The following ZNF267 variants were observed in gnomAD, a reference collection of about 807,000 sequenced individuals.
ZNF267 encodes the protein zinc finger (C2H2).
Under a neutral mutation model 71.6 loss-of-function variants are expected in ZNF267, and 61 were observed. The observed-to-expected ratio is 0.85, with a 90% CI of 0.69 to 1.05. The LOEUF (loss-of-function observed/expected upper bound fraction) is 1.05, where lower values mean the gene tolerates loss of function less well. Ranked by LOEUF, ZNF267 falls within the 50% of genes least tolerant of loss-of-function variation. The pLI is 0.00. For synonymous variants in ZNF267, 288 were observed against 293.2 expected (o/e 0.98, Z 0.18); for missense variants, 852 against 870.0 (o/e 0.98, Z 0.26).
At chr16:31,901,908 T>C (rs542852341) in intron 3 of ZNF267, among the ~76,000 whole-genome samples, 36 of 152,336 alleles carry the variant, frequency 2.4e-4, no homozygotes, top group African/African-American at 8.4e-4. Flanking sequence ...GGTTTTCTTC[T>C]AGGGTTCTTA....
At chr16:31,874,099 T>G in intron 1 of ZNF267, 130 bp downstream of exon 1, 1 of 1,036,040 alleles carries the variant, frequency 9.7e-7, no homozygotes, top group East Asian at 2.5e-5. Context: ...TCCCAACTGG[T>G]GCAGCTCGGC....
At position 31,915,732 on chromosome 16, in the gene ZNF267, A is replaced by G. The variant is rs1430743229; in HGVS notation, c.1483A>G (p.Lys495Glu). 3 of 1,613,266 alleles carry G rather than the reference A, an allele frequency of 1.9e-6. No homozygotes were observed. Among genetic ancestry groups the G allele is most frequent in the East Asian group, 2.2e-5 (1 of 44,860 alleles). ...VHTGEKPYKC[K>E]ECGKVFSRSS... ...TACTGGAGAGAAGCCTTATAAATGT[A>G]AAGAATGTGGCAAAGTCTTTAGCCG... is the stretch of plus-strand genomic sequence containing the variant. Residue 495 changes from lysine (K) to glutamate (E), a missense_variant, in exon 4 of 4, where the codon AAA (lysine) becomes GAA (glutamate). Physicochemically the swap from Lys to Glu is moderately conservative, Grantham distance 56. Transcript: ENST00000300870.
At position 31,915,052 on chromosome 16, in the gene ZNF267, A is replaced by G; in HGVS notation, c.803A>G (p.Lys268Arg). 6.2e-7 allele frequency: 1 copy of G among 1,612,970 alleles called. No individual in the cohort carries two copies. The highest frequency in any genetic ancestry group is 8.5e-7 in the Non-Finnish European group (1 of 1,179,660). ...HGQEKQEQSYKCNKCVEVCTQ... is the reference protein window; with the variant it reads ...HGQEKQEQSYRCNKCVEVCTQ... Reference sequence around the variant, plus strand: ...CAAGAGAAACAAGAACAGTCTTACAAATGTAATAAATGTGTAGAAGTTTGT... The same window carrying G: ...CAAGAGAAACAAGAACAGTCTTACAGATGTAATAAATGTGTAGAAGTTTGT... Residue 268 changes from lysine (K) to arginine (R), a missense_variant, in exon 4 of 4, where the codon AAA (lysine) becomes AGA (arginine). Transcript: ENST00000300870.
chr16:31,901,708 G>A (rs2084043037), intron 3 of ZNF267, among the ~76,000 whole-genome samples: 1 of 152,150 alleles, frequency 6.6e-6, no homozygotes, highest in African/African-American at 2.4e-5. Context: ...TTTGTCAGAT[G>A]AGTAGGTTGC....
At chr16:31,875,370 C>A in intron 1 of ZNF267, 2 of 1,224,894 alleles carry the variant, frequency 1.6e-6, no homozygotes, top group Non-Finnish European at 1.0e-6. Context: ...TCCTGGGACA[C>A]CCTTAACCTA....
chr16:31,878,012 G>T (rs961443699), intron 1 of ZNF267, among the ~76,000 whole-genome samples: 2 of 152,186 alleles, frequency 1.3e-5, no homozygotes, highest in Admixed American at 6.5e-5. Context: ...AGGGCCCCAG[G>T]CATTGTGACT....
intron 1 of ZNF267, among the ~76,000 whole-genome samples, chr16:31,881,933 TGGGATTACA>T (rs1301822334): frequency 6.6e-6 from 1 of 152,210 alleles, no homozygotes; most frequent in Non-Finnish European, 1.5e-5. Context: ...CCCAAAGTGC[TGGGATTACA>T]GGCGTGAGCC....
At chr16:31,907,821 G>A (rs2084103623) in intron 3 of ZNF267, among the ~76,000 whole-genome samples, 1 of 151,928 alleles carries the variant, frequency 6.6e-6, no homozygotes, top group Non-Finnish European at 1.5e-5. Context: ...TGGATCACGA[G>A]GTCAGGAGAT....
chr16:31,879,479 T>A (rs1327314551), intron 1 of ZNF267, among the ~76,000 whole-genome samples: 3 of 152,210 alleles, frequency 2.0e-5, no homozygotes, highest in African/African-American at 7.2e-5. Flanking sequence ...ATTTTATGAT[T>A]TTCTTCTTCA....
At chr16:31,874,967 A>G (rs1476472045) in intron 1 of ZNF267, among the ~76,000 whole-genome samples, 1 of 152,224 alleles carries the variant, frequency 6.6e-6, no homozygotes, top group Non-Finnish European at 1.5e-5. Flanking sequence ...AGTGGATGAC[A>G]CTTTTTTAAA....
chr16:31,893,467 ATTTCT>A (rs2083975326), intron 3 of ZNF267, among the ~76,000 whole-genome samples: 1 of 152,192 alleles, frequency 6.6e-6, no homozygotes, highest in Non-Finnish European at 1.5e-5. Context: ...GCTGGCCTGA[ATTTCT>A]TCTCAGAAAA....
intron 3 of ZNF267, among the ~76,000 whole-genome samples, chr16:31,909,120 CTTTTTTTTTTTTTT>C (rs34409182): frequency 8.8e-5 from 4 of 45,322 alleles, no homozygotes; most frequent in Non-Finnish European, 1.5e-4. Flanking sequence ...CTTTTCTTTT[CTTTTTTTTTTTTTT>C]TTTTTTTTTT....
At chr16:31,878,394 C>T (rs779444058) in intron 1 of ZNF267, among the ~76,000 whole-genome samples, 1 of 152,158 alleles carries the variant, frequency 6.6e-6, no homozygotes, top group Admixed American at 6.5e-5. Context: ...CACTCCTGAA[C>T]ATACCAACTA....
Position 31,915,866 on chromosome 16 carries a change from G to C in ZNF267, c.1617G>C (p.Glu539Asp). Residue 539 changes from glutamate to aspartate, a missense_variant, in exon 4 of 4, where the codon GAG becomes GAC. Coordinates refer to ENST00000300870, the MANE Select transcript of ZNF267 (RefSeq NM_003414.6). ...FTCFSNLIVH[E>D]RIHTGEKPYK... is the part of the protein sequence containing the mutation. ...GTTTCTCAAATCTTATTGTGCATGAGAGAATTCATACTGGAGAGAAACCCT... is the reference window on the plus strand; with the variant it reads ...GTTTCTCAAATCTTATTGTGCATGACAGAATTCATACTGGAGAGAAACCCT... 1 of 1,613,756 alleles carries C rather than the reference G, an allele frequency of 6.2e-7. No individual in the cohort carries two copies. Among genetic ancestry groups the C allele is most frequent in the South Asian group, 1.1e-5 (1 of 91,082 alleles).
chr16:31,875,974 T>G (rs900411475), intron 1 of ZNF267, among the ~76,000 whole-genome samples: 13 of 151,906 alleles, frequency 8.6e-5, no homozygotes, highest in Non-Finnish European at 8.8e-5. Flanking sequence ...GTTCTTTTTT[T>G]GGGAGTAATT....
At chr16:31,883,769 ACT>A (rs2083905695) in intron 1 of ZNF267, among the ~76,000 whole-genome samples, 1 of 152,220 alleles carries the variant, frequency 6.6e-6, no homozygotes, top group Middle Eastern at 3.4e-3. Context: ...ATTTCATAAA[ACT>A]CTCAGTTTCA....
At chr16:31,891,759 CT>C (rs1357092623) in intron 3 of ZNF267, among the ~76,000 whole-genome samples, 2 of 152,178 alleles carry the variant, frequency 1.3e-5, no homozygotes, top group Non-Finnish European at 2.9e-5. Context: ...CACTAAACCT[CT>C]TTCTTTTATA....
At chr16:31,881,180 A>G (rs1218701439) in intron 1 of ZNF267, among the ~76,000 whole-genome samples, 1 of 152,236 alleles carries the variant, frequency 6.6e-6, no homozygotes, top group African/African-American at 2.4e-5. Flanking sequence ...TGCATGTTAC[A>G]AAATAGGATG....
intron 1 of ZNF267, among the ~76,000 whole-genome samples, chr16:31,878,691 A>G (rs1204570378): frequency 6.6e-6 from 1 of 152,152 alleles, no homozygotes; most frequent in African/African-American, 2.4e-5. Context: ...TCCTTCCACC[A>G]ACTTGGTACT....
Sources: allele counts gnomAD v4.1 joint callset (sites outside exome capture counted in the v4.1 genomes callset), GRCh38; gene constraint gnomAD v4.1.1; transcripts MANE v1.5; gene names NCBI Gene and HGNC (gene_info 2026-07-23, HGNC 2026-07-21).